Variants in PPM1H observed in about 807,000 individuals in gnomAD.
PPM1H encodes the protein protein phosphatase, Mg2+/Mn2+ dependent 1H, also known as protein phosphatase 1H.
PPM1H carries 27 observed loss-of-function variants against 54.9 expected under a neutral mutation model. The ratio of observed to expected loss-of-function variants is 0.49; its 90% CI spans 0.36 to 0.68. PPM1H has a LOEUF of 0.68. PPM1H is among the 30% of genes least tolerant of loss of function. The pLI, the probability that PPM1H is intolerant of heterozygous loss-of-function variation, is 0.00. For missense variants in PPM1H, 596 were observed against 667.8 expected (o/e 0.89, Z 1.19); for synonymous variants, 305 against 270.8 (o/e 1.13, Z -1.24).
chr12:62,778,953 A>G (rs899129677), intron 4 of PPM1H, among the ~76,000 whole-genome samples: 4 of 152,060 alleles, frequency 2.6e-5, no homozygotes, highest in Non-Finnish European at 5.9e-5. Context: ...AAAGGAAAGA[A>G]AAGAAAAGAA....
chr12:62,828,832 G>A (rs1868319984), intron 2 of PPM1H, among the ~76,000 whole-genome samples: 1 of 151,964 alleles, frequency 6.6e-6, no homozygotes, highest in Non-Finnish European at 1.5e-5. Flanking sequence ...ATATACAAAG[G>A]TCCAATAATG....
intron 8 of PPM1H, among the ~76,000 whole-genome samples, chr12:62,678,388 G>A (rs2075999690): frequency 6.6e-6 from 1 of 152,236 alleles, no homozygotes; most frequent in African/African-American, 2.4e-5. Context: ...AATCTCCAAT[G>A]AGAGGAAATG....
rs61104483 is a variant in PPM1H at position 62,823,700 on chromosome 12, C to G, written c.411+8414G>C. On this transcript the variant is annotated intron_variant, in intron 2 of 9. Coordinates refer to ENST00000228705, the MANE Select transcript of PPM1H (RefSeq NM_020700.2). ...AAGGCCTTTGACAAAATTCAACAGC[C>G]CTTCATGCTAAAAACTCTCAATAAA... Among the ~76,000 whole-genome samples, 679 of 152,222 alleles carry G rather than the reference C, an allele frequency of 4.5e-3. 9 individuals are homozygous for G. Among genetic ancestry groups the G allele is most frequent in the African/African-American group, 0.015 (618 of 41,514 alleles).
At chr12:62,753,645 G>A (rs1158619732) in intron 4 of PPM1H, among the ~76,000 whole-genome samples, 3 of 152,188 alleles carry the variant, frequency 2.0e-5, no homozygotes, top group East Asian at 3.9e-4. Flanking sequence ...TTGGAAAAAG[G>A]CCATGACAGA....
At chr12:62,769,076 T>C (rs1237873953) in intron 4 of PPM1H, among the ~76,000 whole-genome samples, 1 of 152,184 alleles carries the variant, frequency 6.6e-6, no homozygotes, top group Non-Finnish European at 1.5e-5. Context: ...AATGTGCTAA[T>C]CCTGAGAGTT....
intron 9 of PPM1H, 71 bp from the exon 10 acceptor site, chr12:62,648,707 G>A: frequency 1.3e-6 from 2 of 1,502,232 alleles, no homozygotes; most frequent in Non-Finnish European, 1.8e-6. Flanking sequence ...GTGAGGCTGG[G>A]AAGGGGGAGG....
At chr12:62,930,284 C>T (rs527319772) in intron 1 of PPM1H, among the ~76,000 whole-genome samples, 95 of 152,292 alleles carry the variant, frequency 6.2e-4, no homozygotes, top group Non-Finnish European at 1.0e-3. Context: ...ATTTAACAGA[C>T]ACTCTCAAAG....
intron 4 of PPM1H, among the ~76,000 whole-genome samples, chr12:62,777,569 T>C (rs1388578027): frequency 6.6e-6 from 1 of 152,184 alleles, no homozygotes; most frequent in Admixed American, 6.5e-5. Flanking sequence ...AAACCGAGGA[T>C]GGATTGAGGT....
chr12:62,753,357 G>A (rs2076452846), intron 4 of PPM1H, among the ~76,000 whole-genome samples: 1 of 152,172 alleles, frequency 6.6e-6, no homozygotes. Flanking sequence ...AAGAGTTCAG[G>A]AAACACTCTT....
intron 5 of PPM1H, among the ~76,000 whole-genome samples, chr12:62,729,785 GCTCATT>G (rs1268422359): frequency 9.9e-5 from 15 of 152,190 alleles, no homozygotes; most frequent in Non-Finnish European, 2.1e-4. Flanking sequence ...ACTGCGACTT[GCTCATT>G]CTCCGTGCTG....
At chr12:62,825,205 G>C (rs968279329) in intron 2 of PPM1H, among the ~76,000 whole-genome samples, 2 of 152,162 alleles carry the variant, frequency 1.3e-5, no homozygotes, top group Non-Finnish European at 2.9e-5. Flanking sequence ...TCTCACACCA[G>C]TTAGAGAGGC....
At chr12:62,682,649 G>A (rs374091976) in intron 8 of PPM1H, among the ~76,000 whole-genome samples, 3 of 152,144 alleles carry the variant, frequency 2.0e-5, no homozygotes, top group Non-Finnish European at 2.9e-5. Context: ...GATTACAGGT[G>A]TGCACCACTA....
intron 4 of PPM1H, among the ~76,000 whole-genome samples, chr12:62,762,473 G>A (rs2076514968): frequency 6.6e-6 from 1 of 152,212 alleles, no homozygotes; most frequent in Non-Finnish European, 1.5e-5. Flanking sequence ...AGGCTCAGAA[G>A]AGGCATGGTA....
intron 4 of PPM1H, among the ~76,000 whole-genome samples, chr12:62,776,182 G>T (rs2076609958): frequency 6.6e-6 from 1 of 152,134 alleles, no homozygotes; most frequent in South Asian, 2.1e-4. Context: ...AATTCAAGAT[G>T]AGATTTGGGT....
At chr12:62,691,259 T>C (rs2076081413) in intron 7 of PPM1H, among the ~76,000 whole-genome samples, 1 of 152,180 alleles carries the variant, frequency 6.6e-6, no homozygotes, top group African/African-American at 2.4e-5. Flanking sequence ...ATAAAAAATA[T>C]ATCCGGTGTA....
intron 9 of PPM1H, among the ~76,000 whole-genome samples, chr12:62,663,075 G>A (rs190088693): frequency 4.6e-4 from 70 of 152,184 alleles, no homozygotes; most frequent in African/African-American, 1.7e-3. Context: ...TTGGGGGTGG[G>A]GGAGGTGCTA....
At chr12:62,900,702 C>T (rs1320073281) in intron 1 of PPM1H, among the ~76,000 whole-genome samples, 1 of 151,872 alleles carries the variant, frequency 6.6e-6, no homozygotes, top group Admixed American at 6.6e-5. Flanking sequence ...CTTATACCAT[C>T]TAACCTAATC....
intron 5 of PPM1H, among the ~76,000 whole-genome samples, chr12:62,735,587 A>G (rs928858164): frequency 1.3e-5 from 2 of 152,136 alleles, no homozygotes; most frequent in African/African-American, 4.8e-5. Context: ...TGCTGTGTTG[A>G]ATACTGGCAA....
intron 1 of PPM1H, among the ~76,000 whole-genome samples, chr12:62,896,665 G>C (rs1870999803): frequency 6.6e-6 from 1 of 152,166 alleles, no homozygotes; most frequent in South Asian, 2.1e-4. Context: ...CTGTAAACTA[G>C]TTCAACCATT....
Sources: allele counts gnomAD v4.1 joint callset (sites outside exome capture counted in the v4.1 genomes callset), GRCh38; gene constraint gnomAD v4.1.1; transcripts MANE v1.5; gene names NCBI Gene and HGNC (gene_info 2026-07-23, HGNC 2026-07-21).